SPTAN1: variants seen among roughly 807,000 people sequenced by gnomAD.
The protein encoded by SPTAN1 is spectrin alpha, non-erythrocytic 1.
SPTAN1 carries 61 observed loss-of-function variants against 331.3 expected under a neutral mutation model. The ratio of observed to expected loss-of-function variants is 0.18; its 90% CI spans 0.15 to 0.23. SPTAN1 has a LOEUF of 0.23. SPTAN1 is among the 10% of genes least tolerant of loss of function. The pLI is 1.00. For missense variants in SPTAN1, 2,043 were observed against 3,147.9 expected (o/e 0.65, Z 8.40); for synonymous variants, 1,153 against 1,173.9 (o/e 0.98, Z 0.36).
chr9:128,606,918 A>T (rs1855970056), intron 31 of SPTAN1, among the ~76,000 whole-genome samples: 1 of 152,262 alleles, frequency 6.6e-6, no homozygotes, highest in East Asian at 1.9e-4. Context: ...GAACATTTTC[A>T]TTGCCCTAGA....
At chr9:128,570,324 A>G (rs1244530610) in intron 3 of SPTAN1, among the ~76,000 whole-genome samples, 2 of 32,212 alleles carry the variant, frequency 6.2e-5, no homozygotes, top group East Asian at 1.6e-3. Context: ...ATATATATAT[A>G]TATATATTTT....
At chr9:128,570,430 TG>T (rs1384045451) in intron 3 of SPTAN1, among the ~76,000 whole-genome samples, 3 of 141,436 alleles carry the variant, frequency 2.1e-5, no homozygotes, top group Non-Finnish European at 3.0e-5. Flanking sequence ...CTCCACCTCC[TG>T]GGTTCAAGCA....
chr9:128,571,715 C>T (rs1850752799), intron 3 of SPTAN1, among the ~76,000 whole-genome samples: 2 of 152,124 alleles, frequency 1.3e-5, no homozygotes, highest in African/African-American at 2.4e-5. Context: ...GCAAGGTGGC[C>T]ATTATTTCCC....
chr9:128,590,563 A>G (rs1175416559), intron 21 of SPTAN1, among the ~76,000 whole-genome samples: 3 of 150,156 alleles, frequency 2.0e-5, no homozygotes, highest in African/African-American at 7.3e-5. Flanking sequence ...AGAAAAAAAA[A>G]AAAAAGGGCC....
intron 16 of SPTAN1, 51 bp downstream of exon 16, chr9:128,584,020 GA>G (rs1852263490): frequency 1.9e-6 from 3 of 1,610,014 alleles, no homozygotes; most frequent in East Asian, 4.5e-5. Flanking sequence ...GAAACTATAG[GA>G]GGGAGGAAAA....
chr9:128,631,160 T>G (rs926379574), intron 52 of SPTAN1, among the ~76,000 whole-genome samples: 2 of 151,860 alleles, frequency 1.3e-5, no homozygotes, highest in Non-Finnish European at 2.9e-5. Flanking sequence ...CTCTTCACTT[T>G]AAAGAAAGTC....
chr9:128,616,869 T>G (rs1589347751), intron 41 of SPTAN1, among the ~76,000 whole-genome samples: 1 of 151,640 alleles, frequency 6.6e-6, no homozygotes, highest in Non-Finnish European at 1.5e-5. Flanking sequence ...GAAGTGGAGA[T>G]TTCAGTGAGC....
rs375352590 is a variant in SPTAN1 at position 128,599,501 on chromosome 9, T to TTTTG, written c.3543+531_3543+534dup. The TTTTG allele has an allele frequency of 1.1e-3, 190 of 175,188 alleles. 1 individual carries two copies. The highest frequency in any genetic ancestry group is 1.6e-3 in the Admixed American group (29 of 17,902). The allele number at this position is 175,188 out of a possible 1,614,324, so 10.9% of individuals were successfully genotyped here. A position where few individuals can be genotyped will look rare whatever the true frequency, so the allele number is the denominator to read the frequency against. On this transcript the variant is annotated intron_variant, in intron 26 of 56. Transcript: ENST00000372739. ...AAGTTGGTTTTTTTTTTTTTCGGTC[T>TTTTG]TTTGTTTGTTTGTTTGTTTTTTAAG...
In SPTAN1 at chr9:128,621,165, T is replaced by A. The variant is rs768280253; in HGVS notation, c.5741T>A (p.Leu1914Gln). The A allele has an allele frequency of 1.2e-6, 2 of 1,614,166 alleles. No individual in the cohort carries two copies. The highest frequency in any genetic ancestry group is 1.7e-6 in the Non-Finnish European group (2 of 1,180,026). The change falls in exon 45 of 57, where the codon CTG becomes CAG. Residue 1914 changes from leucine to glutamine, a missense_variant. Coordinates refer to ENST00000372739, the MANE Select transcript of SPTAN1 (RefSeq NM_001130438.3). ...TGGCTGCTTCTACTCCAGGGCTTAC[T>A]GAAGAAACATGAAGCTTTTGAGACA... is the stretch of plus-strand genomic sequence containing the variant. ...GDTLAAIQGL[L>Q]KKHEAFETDF...
At chr9:128,591,421 G>A (rs2131316643) in intron 21 of SPTAN1, 56 bp from the exon 22 acceptor site, 5 of 1,611,156 alleles carry the variant, frequency 3.1e-6, no homozygotes, top group Non-Finnish European at 3.4e-6. Context: ...TGACCTCCTT[G>A]GATTCTCCCT....
intron 49 of SPTAN1, 58 bp downstream of exon 49, chr9:128,626,745 T>G: frequency 1.3e-6 from 2 of 1,507,972 alleles, no homozygotes; most frequent in Non-Finnish European, 1.8e-6. Context: ...CTCTGGGCCC[T>G]GCTCAGAGCC....
intron 29 of SPTAN1, 50 bp from the exon 30 acceptor site, chr9:128,604,984 C>A: frequency 6.2e-7 from 1 of 1,608,268 alleles, no homozygotes; most frequent in South Asian, 1.1e-5. Flanking sequence ...GTCCTGTAAT[C>A]AAGGCAGTTG....
intron 27 of SPTAN1, among the ~76,000 whole-genome samples, chr9:128,601,730 C>T (rs1472170971): frequency 6.6e-6 from 1 of 152,120 alleles, no homozygotes; most frequent in Admixed American, 6.6e-5. Context: ...AAAAGCCTCC[C>T]CTCAACAACC....
rs1852106793 is a variant in SPTAN1 at position 128,582,781 on chromosome 9, C to T, written c.1738C>T (p.Arg580Cys). 1 of 1,613,994 alleles carries T rather than the reference C, an allele frequency of 6.2e-7. No individual in the cohort carries two copies. The highest frequency in any genetic ancestry group is 8.5e-7 in the Non-Finnish European group (1 of 1,180,034). The change falls in exon 14 of 57, where the codon CGT becomes TGT. Residue 580 changes from arginine to cysteine, a missense_variant. Physicochemically the swap from Arg to Cys is radical, Grantham distance 180. Coordinates refer to ENST00000372739, the MANE Select transcript of SPTAN1 (RefSeq NM_001130438.3). ...TTCTTTCCATCTGCAGCAGTTTTTC[C>T]GTGATTCTGATGAGCTCAAGAGTTG... is the stretch of plus-strand genomic sequence containing the variant. ...ADSFHLQQFF[R>C]DSDELKSWVN...
intron 24 of SPTAN1, among the ~76,000 whole-genome samples, chr9:128,595,567 A>G (rs1854162346): frequency 6.6e-6 from 1 of 152,050 alleles, no homozygotes; most frequent in Non-Finnish European, 1.5e-5. Flanking sequence ...ATTGGGGTAA[A>G]TTCACAAAGC....
chr9:128,587,549 TGGAGGATG>T (rs1199252875), intron 19 of SPTAN1, 49 bp from the exon 20 acceptor site: 3 of 1,454,060 alleles, frequency 2.1e-6, no homozygotes, highest in Non-Finnish European at 2.9e-6. Flanking sequence ...GGCGAGGCAG[TGGAGGATG>T]GGAGGCTTCA....
rs748338558 is a variant in SPTAN1, at chr9:128,583,800, G to T, written c.2024G>T (p.Arg675Leu). ...EATELKGIKL[R>L]EANQQQQFNR... ...TTTTCTTCCATAGGAATAAAGCTTC[G>T]TGAAGCCAACCAGCAACAGCAATTT... Residue 675 changes from arginine (R) to leucine (L), a missense_variant, in exon 16 of 57, where the codon CGT becomes CTT. Physicochemically the swap from Arg to Leu is moderately radical, Grantham distance 102. Transcript: ENST00000372739. The T allele has an allele frequency of 1.2e-6, 2 of 1,614,126 alleles. No individual in the cohort carries two copies. The highest frequency in any genetic ancestry group is 1.7e-6 in the Non-Finnish European group (2 of 1,180,030).
intron 1 of SPTAN1, chr9:128,555,389 G>T: frequency 7.8e-7 from 1 of 1,289,416 alleles, no homozygotes; most frequent in South Asian, 1.2e-5. Flanking sequence ...TTTCGTAAAC[G>T]CAGAGTCCAG....
chr9:128,623,020 G>A (rs760386687), intron 45 of SPTAN1, among the ~76,000 whole-genome samples: 2 of 151,622 alleles, frequency 1.3e-5, no homozygotes, highest in African/African-American at 4.8e-5. Flanking sequence ...CAAAGTGCTG[G>A]GATTACAGGC....
Sources: allele counts gnomAD v4.1 joint callset (sites outside exome capture counted in the v4.1 genomes callset), GRCh38; gene constraint gnomAD v4.1.1; transcripts MANE v1.5; gene names NCBI Gene and HGNC (gene_info 2026-07-23, HGNC 2026-07-21).